The following PAK1 variants were observed in gnomAD, a reference collection of about 807,000 sequenced individuals.
PAK1 encodes p21 (RAC1) activated kinase 1.
A neutral mutation model predicts 67.4 loss-of-function variants in PAK1; 29 were observed. The ratio of observed to expected loss-of-function variants is 0.43; its 90% confidence interval spans 0.32 to 0.59. The LOEUF (loss-of-function observed/expected upper bound fraction) is 0.59. Among genes scored for constraint, PAK1 ranks in the 20% least tolerant of loss-of-function variants. The probability of loss-of-function intolerance (pLI) is 0.07; values close to 1 mark genes in which losing one functional copy is unlikely to be tolerated. For missense variants in PAK1, 337 were observed against 670.7 expected, an observed-to-expected ratio of 0.50 and a Z score of 5.50; for synonymous variants, 223 against 237.4, an observed-to-expected ratio of 0.94 and a Z score of 0.56.
intron 9 of PAK1, among the ~76,000 whole-genome samples, chr11:77,347,953 A>G (rs1018306189): frequency 6.7e-6 from 1 of 150,300 alleles, no homozygotes; most frequent in Non-Finnish European, 1.5e-5. Context: ...CTAAAGGCTT[A>G]TAAGCATCTA....
At chr11:77,347,425 A>C (rs917574056) in intron 9 of PAK1, among the ~76,000 whole-genome samples, 2 of 152,234 alleles carry the variant, frequency 1.3e-5, no homozygotes, top group South Asian at 4.1e-4. Context: ...AAAAAAAGTT[A>C]TCTATACACC....
At chr11:77,415,063 A>G (rs935593139) in intron 1 of PAK1, among the ~76,000 whole-genome samples, 1 of 152,240 alleles carries the variant, frequency 6.6e-6, no homozygotes, top group Non-Finnish European at 1.5e-5. Flanking sequence ...ACAACTGTGC[A>G]AAAGATCTGA....
At chr11:77,373,594 T>C (rs559576328) in intron 5 of PAK1, among the ~76,000 whole-genome samples, 1 of 151,372 alleles carries the variant, frequency 6.6e-6, no homozygotes, top group African/African-American at 2.4e-5. Context: ...CAGTATTCTC[T>C]TATATGCATC....
the PAK1 span, among the ~76,000 whole-genome samples, chr11:77,513,543 T>A: frequency 6.6e-6 from 1 of 151,568 alleles, no homozygotes; most frequent in African/African-American, 2.4e-5. Context: ...TGGTGGCACA[T>A]CCCTGTAGTC....
Position 77,429,075 on chromosome 11 carries a change from AAAAAAAAAAAAAAAAAAAAC to A in PAK1, c.-21-36554_-21-36535del, listed in dbSNP as rs1260172680. On this transcript the variant is annotated intron_variant, in intron 1 of 14. Transcript: ENST00000356341. The stretch of plus-strand genomic sequence containing the variant: ...TAATACTAAAAAAAAAAAAAAAAAA[AAAAAAAAAAAAAAAAAAAAC>A]ACACACACACACATCAGGATTCCTT... Among the ~76,000 whole-genome samples, 196 of 134,614 alleles carry A rather than the reference AAAAAAAAAAAAAAAAAAAAC, an allele frequency of 1.5e-3. 7 individuals are homozygous for A. The highest frequency in any genetic ancestry group is 5.6e-3 in the African/African-American group (188 of 33,654). 88.3% of individuals were successfully genotyped at this position (134,614 alleles called of 152,430 possible).
chr11:77,434,164 T>C (rs1358130697), intron 1 of PAK1, among the ~76,000 whole-genome samples: 2 of 152,048 alleles, frequency 1.3e-5, no homozygotes, highest in African/African-American at 2.4e-5. Flanking sequence ...AATGAAAATA[T>C]ATATCTACAC....
the PAK1 span, among the ~76,000 whole-genome samples, chr11:77,492,729 G>C: frequency 3.3e-4 from 50 of 152,168 alleles, no homozygotes; most frequent in Non-Finnish European, 4.6e-4. Flanking sequence ...GAGGGGCCTG[G>C]TGGGAGGTAT....
the PAK1 span, among the ~76,000 whole-genome samples, chr11:77,493,401 C>T: frequency 6.6e-6 from 1 of 150,556 alleles, no homozygotes; most frequent in Non-Finnish European, 1.5e-5. Context: ...ACCTCAGCCT[C>T]CCGAGTAGCT....
At chr11:77,338,744 GGAATGAGGTACTGA>G (rs1288102086) in intron 11 of PAK1, among the ~76,000 whole-genome samples, 1 of 152,110 alleles carries the variant, frequency 6.6e-6, no homozygotes, top group Non-Finnish European at 1.5e-5. Flanking sequence ...GCAATAAAAA[GGAATGAGGTACTGA>G]TACATGCTAC....
chr11:77,327,196 T>C (rs1438992341), intron 14 of PAK1, among the ~76,000 whole-genome samples: 3 of 152,222 alleles, frequency 2.0e-5, no homozygotes, highest in Non-Finnish European at 2.9e-5. Flanking sequence ...TGGAACCAAG[T>C]TGGAAAACAC....
intron 1 of PAK1, among the ~76,000 whole-genome samples, chr11:77,417,689 T>C (rs1050372136): frequency 6.6e-6 from 1 of 151,984 alleles, no homozygotes; most frequent in Non-Finnish European, 1.5e-5. Context: ...GAGATGGTGA[T>C]AATAGAGGAA....
chr11:77,420,644 C>G (rs950181982), intron 1 of PAK1, among the ~76,000 whole-genome samples: 12 of 152,346 alleles, frequency 7.9e-5, no homozygotes, highest in African/African-American at 2.9e-4. Context: ...ACGGTCCAAC[C>G]ACTTCTCATC....
chr11:77,392,075 A>G (rs1178301784), intron 2 of PAK1, among the ~76,000 whole-genome samples: 1 of 152,236 alleles, frequency 6.6e-6, no homozygotes, highest in Non-Finnish European at 1.5e-5. Flanking sequence ...AAAATAAATA[A>G]ATCACTTCAG....
chr11:77,416,202 C>A (rs1242160660), intron 1 of PAK1, among the ~76,000 whole-genome samples: 1 of 152,130 alleles, frequency 6.6e-6, no homozygotes, highest in South Asian at 2.1e-4. Context: ...TGGTCTCCAG[C>A]TCCTAAGCTC....
chr11:77,393,462 T>C (rs1429055381), intron 1 of PAK1, among the ~76,000 whole-genome samples: 2 of 152,090 alleles, frequency 1.3e-5, no homozygotes, highest in South Asian at 2.1e-4. Context: ...GCCCATCTAA[T>C]TAAAAAAAAT....
At chr11:77,433,406 C>T (rs1277061033) in intron 1 of PAK1, among the ~76,000 whole-genome samples, 1 of 152,124 alleles carries the variant, frequency 6.6e-6, no homozygotes, top group Non-Finnish European at 1.5e-5. Context: ...AGACAATCCA[C>T]AAAATTGGAG....
chr11:77,355,627 C>T, intron 7 of PAK1, 41 bp downstream of exon 7: 1 of 1,539,076 alleles, frequency 6.5e-7, no homozygotes, highest in Non-Finnish European at 9.0e-7. Context: ...CTTGACCAGT[C>T]ATAAAACGAA....
At chr11:77,502,597 T>C in the PAK1 span, among the ~76,000 whole-genome samples, 1 of 152,184 alleles carries the variant, frequency 6.6e-6, no homozygotes, top group African/African-American at 2.4e-5. Flanking sequence ...TAACCCCACA[T>C]AGCTGGAAGA....
the PAK1 span, among the ~76,000 whole-genome samples, chr11:77,515,830 C>T: frequency 6.6e-6 from 1 of 152,130 alleles, no homozygotes. Flanking sequence ...AGGTATACAC[C>T]AATTCCAAGA....
Sources: allele counts gnomAD v4.1 joint callset (sites outside exome capture counted in the v4.1 genomes callset), GRCh38; gene constraint gnomAD v4.1.1; transcripts MANE v1.5; gene names NCBI Gene and HGNC (gene_info 2026-07-23, HGNC 2026-07-21).